Variants in CACNA1I observed in about 807,000 individuals in gnomAD.
The protein encoded by CACNA1I is calcium voltage-gated channel subunit alpha1 I.
A neutral mutation model predicts 201.6 loss-of-function variants in CACNA1I; 74 were observed. The ratio of observed to expected loss-of-function variants is 0.37; its 90% confidence interval spans 0.30 to 0.45. The LOEUF is 0.45. CACNA1I is among the 20% of genes least tolerant of loss of function. The pLI is 1.00. For missense variants in CACNA1I, 2,346 were observed against 3,138.1 expected (o/e 0.75, Z 6.03); for synonymous variants, 1,431 against 1,345.2 (o/e 1.06, Z -1.40).
rs57356020 is a variant in CACNA1I, at chr22:39,679,856, C to T, written c.5529C>T (p.His1843=). The change falls in exon 33 of 37, where the codon CAC becomes CAT. Residue 1843 remains histidine (H), a synonymous_variant. Coordinates refer to ENST00000402142, the MANE Select transcript of CACNA1I (RefSeq NM_021096.4). The stretch of plus-strand genomic sequence containing the variant: ...CTGCCGGCTGCAAGAAGTGTCACCA[C>T]GACAAGCAAGAGGTAATGGCAGCCC... ...SSPAGCKKCH[H]DKQEVQLAET... is the part of the protein sequence containing the mutation. 1.8e-5 allele frequency: 29 copies of T among 1,612,120 alleles called. No homozygotes were observed. Among genetic ancestry groups the T allele is most frequent in the Middle Eastern group, 1.6e-4 (1 of 6,078 alleles).
chr22:39,661,878 G>A (rs994839596), intron 16 of CACNA1I, 87 bp from the exon 17 acceptor site: 1 of 840,150 alleles, frequency 1.2e-6, no homozygotes, highest in Non-Finnish European at 1.8e-6. Flanking sequence ...TAGAGCCACA[G>A]CGGGGGTGCA....
In CACNA1I at chr22:39,686,512, G is replaced by T; in HGVS notation, c.*107G>T. 2 of 877,204 alleles carry T rather than the reference G, an allele frequency of 2.3e-6. No individual in the cohort carries two copies. The highest frequency in any genetic ancestry group is 1.8e-5 in the African/African-American group (1 of 56,560). The allele number at this position is 877,204 out of a possible 1,614,324, so 54.3% of individuals were successfully genotyped here. A position where few individuals can be genotyped will look rare whatever the true frequency, so the allele number is the denominator to read the frequency against. ...TTCGTCCACACCTGGGATCGCGCAG[G>T]GCCCGCAGGGCACAGGCGCCCGACA... is the stretch of plus-strand genomic sequence containing the variant. On this transcript the variant is annotated 3_prime_UTR_variant, in exon 37 of 37. Coordinates refer to ENST00000402142, the MANE Select transcript of CACNA1I (RefSeq NM_021096.4).
Position 39,676,480 on chromosome 22 carries a change from T to A in CACNA1I, c.4855-861T>A, listed in dbSNP as rs1004510625. ...GGCCTTCTGAGGGTTCTAAGAGATA[T>A]TTCATTTCTAGGGCAAGAATGTGTT... On this transcript the variant is annotated intron_variant, in intron 29 of 36. Transcript: ENST00000402142. The surrounding 1 kb of genome is among the most constrained non-coding windows in gnomAD (Gnocchi z 4.8). 6.6e-6 allele frequency among the ~76,000 whole-genome samples: 1 copy of A among 152,222 alleles called. No homozygotes were observed. Among genetic ancestry groups the A allele is most frequent in the Admixed American group, 6.5e-5 (1 of 15,278 alleles).
At position 39,659,691 on chromosome 22, in the gene CACNA1I, C is replaced by T. The variant is rs369770472; in HGVS notation, c.2449-6C>T. ...TACCCCAGGGCTAACTGTGTCTCCCCAACAGATCCTCACCCAGGAGGACTG... is the reference window on the plus strand; with the variant it reads ...TACCCCAGGGCTAACTGTGTCTCCCTAACAGATCCTCACCCAGGAGGACTG... On this transcript the variant is annotated splice_region_variant and splice_polypyrimidine_tract_variant and intron_variant, in intron 13 of 36. Coordinates refer to ENST00000402142, the MANE Select transcript of CACNA1I (RefSeq NM_021096.4). The surrounding 1 kb of genome is among the most constrained non-coding windows in gnomAD (Gnocchi z 4.3). 53 of 1,613,704 alleles carry T rather than the reference C, an allele frequency of 3.3e-5. No individual in the cohort carries two copies. Among genetic ancestry groups the T allele is most frequent in the Middle Eastern group, 1.6e-4 (1 of 6,084 alleles).
intron 1 of CACNA1I, 131 bp from the exon 2 acceptor site, chr22:39,598,020 C>G (rs1932929175): frequency 3.1e-6 from 2 of 646,110 alleles, no homozygotes; most frequent in Non-Finnish European, 5.7e-6. Context: ...GGGATGGCAC[C>G]CAGAGGGAGA....
intron 5 of CACNA1I, among the ~76,000 whole-genome samples, chr22:39,635,422 C>T (rs537948051): frequency 6.6e-6 from 1 of 152,276 alleles, no homozygotes; most frequent in East Asian, 1.9e-4. Context: ...GCCTCTCAGT[C>T]TGTTAATCAT....
At position 39,629,505 on chromosome 22, in the gene CACNA1I, C is replaced by T. The variant is rs1032286758; in HGVS notation, c.581-5060C>T. 9.9e-5 allele frequency among the ~76,000 whole-genome samples: 15 copies of T among 151,586 alleles called. No individual in the cohort carries two copies. The highest frequency in any genetic ancestry group is 4.0e-4 in the East Asian group (2 of 5,032). On this transcript the variant is annotated intron_variant, in intron 4 of 36. Transcript: ENST00000402142. This position sits in a 1 kb window ranked among gnomAD's most constrained non-coding sequence, Gnocchi z 4.8. Reference sequence around the variant, plus strand: ...ATCTGGGCCCAGCCCCACCATCTTCCGGTTTATCACAATGATGAATGTATG... The same window carrying T: ...ATCTGGGCCCAGCCCCACCATCTTCTGGTTTATCACAATGATGAATGTATG...
Position 39,685,598 on chromosome 22 carries a change from G to T in CACNA1I, c.6028-163G>T, listed in dbSNP as rs1935836976. Among the ~76,000 whole-genome samples, 1 of 152,120 alleles carries T rather than the reference G, an allele frequency of 6.6e-6. No homozygotes were observed. The highest frequency in any genetic ancestry group is 1.5e-5 in the Non-Finnish European group (1 of 67,982). ...TCTCGGGGCAGGTGAAGGCCCTGCG[G>T]TGACGCCGCCTAAGCTGGACGTGCG... is the stretch of plus-strand genomic sequence containing the variant. On this transcript the variant is annotated intron_variant, in intron 36 of 36. Transcript: ENST00000402142. This position sits in a 1 kb window ranked among gnomAD's most constrained non-coding sequence, Gnocchi z 5.0.
In CACNA1I at chr22:39,640,975, C is replaced by A. The variant is rs1185538572; in HGVS notation, c.849C>A (p.Ile283=). ...GDNGIMGCHE[I]PPLKEQGREC... ...ATGGGATAATGGGCTGCCATGAGAT[C>A]CCCCCGCTCAAGGAGCAGGGCCGTG... Residue 283 remains isoleucine (I), a synonymous_variant, in exon 6 of 37, where the codon ATC becomes ATA. Coordinates refer to ENST00000402142, the MANE Select transcript of CACNA1I (RefSeq NM_021096.4). 1 of 1,613,838 alleles carries A rather than the reference C, an allele frequency of 6.2e-7. No individual in the cohort carries two copies. The highest frequency in any genetic ancestry group is 1.3e-5 in the African/African-American group (1 of 74,942).
intron 3 of CACNA1I, among the ~76,000 whole-genome samples, chr22:39,616,111 A>G (rs1384449568): frequency 1.3e-5 from 2 of 152,196 alleles, no homozygotes; most frequent in East Asian, 3.8e-4. Context: ...CCAGAGGGTC[A>G]TGTATGGCGT....
chr22:39,683,778 C>T (rs1935772090), intron 35 of CACNA1I, among the ~76,000 whole-genome samples: 1 of 151,470 alleles, frequency 6.6e-6, no homozygotes, highest in African/African-American at 2.4e-5. Context: ...CATGTGCAGC[C>T]AACCAGGCCA....
At chr22:39,607,108 T>C (rs1933242519) in intron 3 of CACNA1I, among the ~76,000 whole-genome samples, 1 of 152,198 alleles carries the variant, frequency 6.6e-6, no homozygotes, top group African/African-American at 2.4e-5. Context: ...AGGGTGAGGC[T>C]ACTGGGATCT....
At chr22:39,681,146 C>T (rs2146480875) in intron 34 of CACNA1I, 94 bp downstream of exon 34, 3 of 1,406,198 alleles carry the variant, frequency 2.1e-6, no homozygotes, top group East Asian at 4.9e-5. Flanking sequence ...TTCCAGTCTA[C>T]CATGTAAACG....
chr22:39,613,569 A>T (rs892900346), intron 3 of CACNA1I, among the ~76,000 whole-genome samples: 1 of 152,216 alleles, frequency 6.6e-6, no homozygotes, highest in African/African-American at 2.4e-5. Context: ...GACTTGCCCA[A>T]AGTCACATGG....
intron 33 of CACNA1I, 105 bp from the exon 34 acceptor site, chr22:39,680,825 T>C (rs887024889): frequency 3.5e-5 from 45 of 1,300,508 alleles, no homozygotes; most frequent in Admixed American, 2.7e-4. Context: ...TTCTGACCAC[T>C]GCTCGGCCTC....
intron 1 of CACNA1I, among the ~76,000 whole-genome samples, chr22:39,596,105 G>GAGGTCAGAGCAGAGTGAGCC (rs1932881103): frequency 7.6e-6 from 1 of 132,156 alleles, no homozygotes; most frequent in Non-Finnish European, 1.6e-5. Context: ...AGGAGCCAGT[G>GAGGTCAGAGCAGAGTGAGCC]AGGTCAGAGC....
rs1226043560 is a variant in CACNA1I at position 39,658,181 on chromosome 22, C to A, written c.2022C>A (p.Ile674=). Residue 674 remains isoleucine, a synonymous_variant, in exon 11 of 37, where the codon ATC becomes ATA. Transcript: ENST00000402142. ...QPEELTNILE[I]CNVVFTSMFA... is the part of the protein sequence containing the mutation. ...AGGAGCTGACCAACATCCTGGAGAT[C>A]TGCAATGTGGTCTTCACCAGCATGT... 2 of 1,614,002 alleles carry A rather than the reference C, an allele frequency of 1.2e-6. No individual in the cohort carries two copies. Among genetic ancestry groups the A allele is most frequent in the South Asian group, 2.2e-5 (2 of 91,076 alleles).
chr22:39,675,403 G>T (rs943796916), intron 29 of CACNA1I, among the ~76,000 whole-genome samples: 16 of 152,254 alleles, frequency 1.1e-4, no homozygotes, highest in African/African-American at 3.9e-4. Flanking sequence ...CTGACCCCTG[G>T]GCGGTTCTAT....
At chr22:39,675,057 G>T (rs770601912) in intron 29 of CACNA1I, among the ~76,000 whole-genome samples, 8 of 152,340 alleles carry the variant, frequency 5.3e-5, no homozygotes, top group Admixed American at 3.3e-4. Context: ...TGGGAGATGG[G>T]GGTGATGCTG....
Sources: allele counts gnomAD v4.1 joint callset (sites outside exome capture counted in the v4.1 genomes callset), GRCh38; gene constraint gnomAD v4.1.1; non-coding constraint Gnocchi (gnomAD v3.1); transcripts MANE v1.5; gene names NCBI Gene and HGNC (gene_info 2026-07-23, HGNC 2026-07-21).